SAP130: variants seen among roughly 807,000 people sequenced by gnomAD.
SAP130 encodes Sin3A associated protein 130, also known as histone deacetylase complex subunit SAP130.
In SAP130, 16 loss-of-function variants were observed where a neutral mutation model predicts 103.2. That is an observed-to-expected ratio of 0.16 (90% CI 0.10 to 0.24). SAP130 has a LOEUF of 0.24. Ranked by LOEUF, SAP130 falls within the 10% of genes least tolerant of loss-of-function variation. SAP130 has a pLI of 1.00. For synonymous variants in SAP130, 477 were observed against 497.0 expected (o/e 0.96, Z 0.53); for missense variants, 990 against 1,359.7 (o/e 0.73, Z 4.28).
At chr2:127,967,958 T>C (rs934665180) in intron 15 of SAP130, among the ~76,000 whole-genome samples, 1 of 151,958 alleles carries the variant, frequency 6.6e-6, no homozygotes, top group Admixed American at 6.5e-5. Context: ...CCAAGTACAA[T>C]GGAAAGGACC....
chr2:127,977,933 T>C, intron 15 of SAP130, 52 bp downstream of exon 15: 1 of 1,322,262 alleles, frequency 7.6e-7, no homozygotes, highest in South Asian at 1.3e-5. Flanking sequence ...TCTCCCCAAC[T>C]GCAACGATGT....
chr2:128,000,609 C>T (rs1021906094), intron 7 of SAP130, among the ~76,000 whole-genome samples, 155 bp from the exon 8 acceptor site: 2 of 152,194 alleles, frequency 1.3e-5, no homozygotes, highest in Non-Finnish European at 2.9e-5. Flanking sequence ...AAAAGGTGCA[C>T]TGAGTTTGTC....
chr2:127,944,901 CAAAAAAAA>C (rs1188253573), intron 19 of SAP130, among the ~76,000 whole-genome samples: 1 of 77,542 alleles, frequency 1.3e-5, no homozygotes. Context: ...GACCTTGTCT[CAAAAAAAA>C]AAAAAAAAAA....
At position 128,014,905 on chromosome 2, in the gene SAP130, T is replaced by C. The variant is rs775971805; in HGVS notation, c.517A>G (p.Ser173Gly). 3.1e-6 allele frequency: 5 copies of C among 1,613,562 alleles called. No individual in the cohort carries two copies. Among genetic ancestry groups the C allele is most frequent in the African/African-American group, 1.3e-5 (1 of 74,936 alleles). ...ATISGQQGHP[S>G]NLHHIMTTNV... is the part of the protein sequence containing the mutation. ...GTAGTCATGATGTGATGCAGGTTAC[T>C]GGGATGGCCCTGAAAGAAAGAGGAT... Residue 173 changes from serine (S) to glycine (G), a missense_variant, in exon 5 of 21, where the codon AGT becomes GGT. This residue lies in a region of SAP130 where 336 missense variants were observed against 520.1 expected (regional missense o/e 0.65). Transcript: ENST00000643581.
intron 11 of SAP130, among the ~76,000 whole-genome samples, chr2:127,995,729 C>G (rs575333489): frequency 4.9e-4 from 74 of 152,194 alleles, no homozygotes; most frequent in Non-Finnish European, 8.1e-4. Context: ...TACTTGTTTA[C>G]AAAGGAGAAA....
intron 7 of SAP130, among the ~76,000 whole-genome samples, chr2:128,009,678 A>G (rs750930045): frequency 6.6e-6 from 1 of 152,032 alleles, no homozygotes; most frequent in Non-Finnish European, 1.5e-5. Context: ...GCTTTCCATC[A>G]TGCCCCAGCC....
intron 4 of SAP130, among the ~76,000 whole-genome samples, chr2:128,015,866 GGGACGT>G (rs1684734477): frequency 6.6e-6 from 1 of 151,582 alleles, no homozygotes; most frequent in South Asian, 2.1e-4. Flanking sequence ...GCTCGAACAC[GGGACGT>G]GGACGTTGCT....
chr2:128,012,262 G>C (rs1684450193), intron 6 of SAP130, among the ~76,000 whole-genome samples: 1 of 152,162 alleles, frequency 6.6e-6, no homozygotes, highest in African/African-American at 2.4e-5. Context: ...TTGAGGTCAG[G>C]AGTTCGAGAC....
At chr2:127,993,549 G>A (rs1275195946) in intron 11 of SAP130, among the ~76,000 whole-genome samples, 8 of 151,646 alleles carry the variant, frequency 5.3e-5, no homozygotes, top group Non-Finnish European at 1.2e-4. Flanking sequence ...AATATTCTAT[G>A]GGTGATTTTT....
At chr2:127,973,478 CGCCT>C (rs1681236726) in intron 15 of SAP130, among the ~76,000 whole-genome samples, 1 of 152,192 alleles carries the variant, frequency 6.6e-6, no homozygotes, top group East Asian at 1.9e-4. Context: ...GTGATCCGCC[CGCCT>C]GACTCCCAAA....
At chr2:128,016,083 C>T (rs541752596) in intron 4 of SAP130, among the ~76,000 whole-genome samples, 3 of 152,036 alleles carry the variant, frequency 2.0e-5, no homozygotes, top group African/African-American at 7.2e-5. Context: ...AAACCAAACA[C>T]GAACCGGACT....
In SAP130 at chr2:127,942,162, T is replaced by A; in HGVS notation, c.3018A>T (p.Gly1006=). Residue 1006 remains glycine, a splice_region_variant and synonymous_variant, in exon 21 of 21, where the codon GGA becomes GGT. Transcript: ENST00000643581. This position sits in a 1 kb window ranked among gnomAD's most constrained non-coding sequence, Gnocchi z 4.8. ...TCACAAGTTTACACCTCTGCATATTTCCCTGAAACAGAAGACATTGCATCA... is the reference window on the plus strand; with the variant it reads ...TCACAAGTTTACACCTCTGCATATTACCCTGAAACAGAAGACATTGCATCA... ...DLHRINELIQ[G]NMQRCKLVMD... 6.3e-7 allele frequency: 1 copy of A among 1,586,406 alleles called. No individual in the cohort carries two copies. Among genetic ancestry groups the A allele is most frequent in the South Asian group, 1.2e-5 (1 of 86,080 alleles).
chr2:128,015,784 TA>T (rs923238094), intron 4 of SAP130, among the ~76,000 whole-genome samples: 8 of 151,590 alleles, frequency 5.3e-5, no homozygotes, highest in African/African-American at 1.7e-4. Context: ...TCTATTAAAA[TA>T]AAAAAATTAG....
chr2:127,949,915 T>C lies in SAP130; in HGVS notation c.2751A>G (p.Lys917=), dbSNP rs956488546. 8.1e-6 allele frequency: 13 copies of C among 1,614,190 alleles called. No individual in the cohort carries two copies. The highest frequency in any genetic ancestry group is 1.1e-5 in the Non-Finnish European group (13 of 1,180,018). ...TLLRHYRNPW[K]AAYHHFQRYS... is the part of the protein sequence containing the mutation. Reference sequence around the variant, plus strand: ...ACCTCTGAAAGTGGTGGTAAGCAGCTTTCCAGGGGTTCCGATAGTGACGAA... The same window carrying C: ...ACCTCTGAAAGTGGTGGTAAGCAGCCTTCCAGGGGTTCCGATAGTGACGAA... The change falls in exon 18 of 21, where the codon AAA becomes AAG. Residue 917 remains lysine (K), a synonymous_variant. Coordinates refer to ENST00000643581, the MANE Select transcript of SAP130 (RefSeq NM_001330301.2).
intron 7 of SAP130, among the ~76,000 whole-genome samples, chr2:128,006,786 G>C (rs973032728): frequency 6.6e-6 from 1 of 152,156 alleles, no homozygotes; most frequent in African/African-American, 2.4e-5. Context: ...TCTCAAAAAA[G>C]AATTCTATGA....
At chr2:127,967,392 T>C (rs1159552791) in intron 15 of SAP130, among the ~76,000 whole-genome samples, 1 of 152,088 alleles carries the variant, frequency 6.6e-6, no homozygotes, top group Non-Finnish European at 1.5e-5. Flanking sequence ...ATGACAAGAA[T>C]AGCTGGAGAT....
At position 127,989,504 on chromosome 2, in the gene SAP130, T is replaced by C. The variant is rs1437307753; in HGVS notation, c.1780+60A>G. On this transcript the variant is annotated intron_variant, in intron 13 of 20. Coordinates refer to ENST00000643581, the MANE Select transcript of SAP130 (RefSeq NM_001330301.2). This position sits in a 1 kb window ranked among gnomAD's most constrained non-coding sequence, Gnocchi z 4.6. Reference sequence around the variant, plus strand: ...GACAAAGCCAGTGGCAGAGAAAGGATTTAAACCCAAATGTATTTCTTTTCT... The same window carrying C: ...GACAAAGCCAGTGGCAGAGAAAGGACTTAAACCCAAATGTATTTCTTTTCT... 1 of 1,473,354 alleles carries C rather than the reference T, an allele frequency of 6.8e-7. No individual in the cohort carries two copies. The highest frequency in any genetic ancestry group is 2.1e-5 in the Admixed American group (1 of 48,644). The allele number at this position is 1,473,354 out of a possible 1,614,324, so 91.3% of individuals were successfully genotyped here. A position where few individuals can be genotyped will look rare whatever the true frequency, so the allele number is the denominator to read the frequency against.
chr2:127,993,456 GGACACA>G (rs1313587314), intron 11 of SAP130, 148 bp from the exon 12 acceptor site: 4 of 690,222 alleles, frequency 5.8e-6, no homozygotes, highest in Non-Finnish European at 6.5e-6. Context: ...TTACATCACA[GGACACA>G]CACCAAGAAT....
chr2:127,969,185 T>C (rs1175020579), intron 15 of SAP130, among the ~76,000 whole-genome samples: 3 of 152,056 alleles, frequency 2.0e-5, no homozygotes, highest in African/African-American at 4.8e-5. Context: ...GAGGGAGACA[T>C]GAAACAGCAC....
Sources: gnomAD v4.1 joint callset for allele counts (sites outside exome capture counted in the v4.1 genomes callset) on GRCh38, gnomAD v4.1.1 for gene constraint, gnomAD v4.1.1 regional missense constraint, Gnocchi (gnomAD v3.1) non-coding constraint, MANE v1.5 for transcripts, NCBI Gene and HGNC (gene_info 2026-07-23, HGNC 2026-07-21) for gene names.